The following CLCA2 variants were observed in gnomAD, a reference collection of about 807,000 sequenced individuals.
CLCA2 encodes chloride channel accessory 2.
Under a neutral mutation model 82.9 loss-of-function variants are expected in CLCA2, and 85 were observed. The observed-to-expected ratio is 1.03, with a 90% CI of 0.86 to 1.23. The LOEUF (loss-of-function observed/expected upper bound fraction) is 1.23, where lower values mean the gene tolerates loss of function less well. CLCA2 is among the 50% of genes most tolerant of loss of function. The pLI, the probability that CLCA2 is intolerant of heterozygous loss-of-function variation, is 0.00. For missense variants in CLCA2, 1,089 were observed against 1,124.8 expected, an observed-to-expected ratio of 0.97 and a Z score of 0.45; for synonymous variants, 421 against 391.7, an observed-to-expected ratio of 1.07 and a Z score of -0.88.
intron 6 of CLCA2, among the ~76,000 whole-genome samples, chr1:86,438,330 C>T (rs990629366): frequency 1.3e-5 from 2 of 152,178 alleles, no homozygotes; most frequent in Admixed American, 1.3e-4. Context: ...ACTGTACTGC[C>T]ATATATGTAT....
chr1:86,453,285 A>G, intron 12 of CLCA2, 84 bp from the exon 13 acceptor site: 1 of 1,003,266 alleles, frequency 1.0e-6, no homozygotes, highest in Non-Finnish European at 1.5e-6. Context: ...AAAAAGGTTT[A>G]AGAAAGTCTC....
chr1:86,424,368 A>G lies in CLCA2; in HGVS notation c.121A>G (p.Asn41Asp). 6.2e-7 allele frequency: 1 copy of G among 1,613,790 alleles called. No homozygotes were observed. Among genetic ancestry groups the G allele is most frequent in the Non-Finnish European group, 8.5e-7 (1 of 1,179,862 alleles). ...AGVQLQDNGY[N>D]GLLIAINPQV... is the part of the protein sequence containing the mutation. ...AGTACAGCTTCAAGACAATGGGTAT[A>G]ATGGATTGCTCATTGCAATTAATCC... is the stretch of plus-strand genomic sequence containing the variant. Residue 41 changes from asparagine to aspartate, a missense_variant, in exon 1 of 14, where the codon AAT becomes GAT. Asn to Asp is a conservative substitution (Grantham distance 23). Coordinates refer to ENST00000370565, the MANE Select transcript of CLCA2 (RefSeq NM_006536.7).
At chr1:86,431,007 T>C in intron 4 of CLCA2, 37 bp downstream of exon 4, 1 of 1,430,796 alleles carries the variant, frequency 7.0e-7, no homozygotes. Context: ...TCATTATTTA[T>C]TTGACTCTAA....
At chr1:86,425,835 C>T (rs1320587441) in intron 2 of CLCA2, among the ~76,000 whole-genome samples, 1 of 152,162 alleles carries the variant, frequency 6.6e-6, no homozygotes, top group Non-Finnish European at 1.5e-5. Context: ...ATTTACCATC[C>T]TGTCAGGAGC....
At position 86,438,927 on chromosome 1, in the gene CLCA2, A is replaced by G. The variant is rs563125883; in HGVS notation, c.1024A>G (p.Ile342Val). The G allele has an allele frequency of 3.1e-6, 5 of 1,614,106 alleles. No homozygotes were observed. In the South Asian group the frequency reaches 5.5e-5, roughly 18 times the overall value. ...AGCCGCAGAATTTTATTTGATGCAGATTGTTGAAATTCATACCTTCGTGGG... is the reference window on the plus strand; with the variant it reads ...AGCCGCAGAATTTTATTTGATGCAGGTTGTTGAAATTCATACCTTCGTGGG... ...QQAAEFYLMQ[I>V]VEIHTFVGIA... The change falls in exon 7 of 14, where the codon ATT becomes GTT. Residue 342 changes from isoleucine (I) to valine (V), a missense_variant. Coordinates refer to ENST00000370565, the MANE Select transcript of CLCA2 (RefSeq NM_006536.7).
Position 86,447,914 on chromosome 1 carries a change from T to TTA in CLCA2, c.1984+139_1984+140dup, listed in dbSNP as rs1412786656. 5.6e-6 allele frequency: 5 copies of TTA among 896,798 alleles called. No individual in the cohort carries two copies. The African/African-American group carries it at 8.4e-5, about 15-fold the overall frequency. 55.6% of individuals were successfully genotyped at this position (896,798 alleles called of 1,614,324 possible). A position where few individuals can be genotyped will look rare whatever the true frequency, so the allele number is the denominator to read the frequency against. ...TTAATCTTACAATATTCTCAAATTC[T>TTA]TATAGAGTCACTGATATACTGAATA... On this transcript the variant is annotated intron_variant, in intron 11 of 13. Transcript: ENST00000370565.
chr1:86,451,904 T>A (rs1662974951), intron 12 of CLCA2, among the ~76,000 whole-genome samples: 1 of 152,184 alleles, frequency 6.6e-6, no homozygotes, highest in African/African-American at 2.4e-5. Flanking sequence ...AAAGTGCTAC[T>A]TATCATTATA....
At chr1:86,440,012 G>A (rs55825812) in intron 7 of CLCA2, 136 bp from the exon 8 acceptor site, 41,980 of 759,868 alleles carry the variant, frequency 0.055, 1,434 homozygotes, top group East Asian at 0.11. Context: ...GCTGTGATGG[G>A]GTGAGGTAAA....
intron 1 of CLCA2, 50 bp downstream of exon 1, chr1:86,424,483 G>A: frequency 6.7e-7 from 1 of 1,494,518 alleles, no homozygotes; most frequent in Non-Finnish European, 9.0e-7. Context: ...GATCAGACCT[G>A]TAGCCTTATT....
At chr1:86,446,395 G>A (rs1335048912) in intron 10 of CLCA2, among the ~76,000 whole-genome samples, 7 of 151,894 alleles carry the variant, frequency 4.6e-5, no homozygotes, top group African/African-American at 1.7e-4. Flanking sequence ...TCACACCTGT[G>A]TATAAGGGCC....
intron 12 of CLCA2, among the ~76,000 whole-genome samples, chr1:86,452,080 G>A (rs1221321766): frequency 7.0e-6 from 1 of 142,054 alleles, no homozygotes; most frequent in Non-Finnish European, 1.5e-5. Context: ...TGAATTAGAT[G>A]TTTTACAGGA....
intron 9 of CLCA2, 146 bp downstream of exon 9, chr1:86,441,689 T>C (rs1236874761): frequency 3.6e-6 from 2 of 549,262 alleles, no homozygotes; most frequent in African/African-American, 3.8e-5. Flanking sequence ...AAAGGCTGCT[T>C]GGCATCACCA....
chr1:86,448,912 C>A (rs1662909373), intron 11 of CLCA2, among the ~76,000 whole-genome samples: 1 of 152,238 alleles, frequency 6.6e-6, no homozygotes, highest in Admixed American at 6.5e-5. Context: ...TCTTGCCCCA[C>A]CCTGTGGGCC....
chr1:86,443,062 C>G (rs910471180), intron 9 of CLCA2, among the ~76,000 whole-genome samples: 1 of 149,930 alleles, frequency 6.7e-6, no homozygotes, highest in African/African-American at 2.5e-5. Flanking sequence ...GAGTCTTGCT[C>G]TTCTCCCAGG....
At position 86,443,821 on chromosome 1, in the gene CLCA2, A is replaced by G. The variant is rs181745199; in HGVS notation, c.1523A>G (p.His508Arg). Residue 508 changes from histidine (H) to arginine (R), a missense_variant, in exon 10 of 14, where the codon CAT (histidine) becomes CGT (arginine). By Grantham distance (29) the His-to-Arg change is conservative. Transcript: ENST00000370565. Reference sequence around the variant, plus strand: ...ACAGGTGAAAATGTCAAACCTCACCATCAATTGAAAAACACAGTGACTGTG... The same window carrying G: ...ACAGGTGAAAATGTCAAACCTCACCGTCAATTGAAAAACACAGTGACTGTG... ...ESTGENVKPH[H>R]QLKNTVTVDN... is the part of the protein sequence containing the mutation. 746 of 1,613,994 alleles carry G rather than the reference A, an allele frequency of 4.6e-4. No individual in the cohort carries two copies. Among genetic ancestry groups the G allele is most frequent in the Admixed American group, 7.3e-4 (44 of 59,994 alleles).
chr1:86,433,342 C>T (rs1336367878), intron 5 of CLCA2, among the ~76,000 whole-genome samples: 1 of 152,196 alleles, frequency 6.6e-6, no homozygotes, highest in South Asian at 2.1e-4. Context: ...CCACACATGC[C>T]TCTGTGGAGT....
Position 86,455,473 on chromosome 1 carries a change from T to G in CLCA2, c.2778T>G (p.Thr926=), listed in dbSNP as rs1297852231. 1.3e-6 allele frequency: 2 copies of G among 1,523,112 alleles called. No homozygotes were observed. Among genetic ancestry groups the G allele is most frequent in the Non-Finnish European group, 1.8e-6 (2 of 1,138,760 alleles). 94.3% of individuals were successfully genotyped at this position (1,523,112 alleles called of 1,614,324 possible). A position where few individuals can be genotyped will look rare whatever the true frequency, so the allele number is the denominator to read the frequency against. The change falls in exon 14 of 14, where the codon ACT becomes ACG. Residue 926 remains threonine (T), a synonymous_variant. Transcript: ENST00000370565. ...TTATTATAGTTGTGACACATCATAC[T>G]TTAAGCAGGAAAAAGAGAGCAGACA... ...ICLIIVVTHH[T]LSRKKRADKK...
chr1:86,453,668 C>A (rs150840252), intron 13 of CLCA2, 66 bp downstream of exon 13: 20 of 1,328,048 alleles, frequency 1.5e-5, no homozygotes, highest in Middle Eastern at 1.9e-4. Flanking sequence ...AGGTCAGGGG[C>A]TAGTAGAACT....
intron 3 of CLCA2, 81 bp downstream of exon 3, chr1:86,428,649 C>T (rs916700009): frequency 1.3e-6 from 2 of 1,491,844 alleles, no homozygotes; most frequent in African/African-American, 1.4e-5. Context: ...GGGACTCACT[C>T]ACAAAACCTG....
Sources: gnomAD v4.1 joint callset for allele counts (sites outside exome capture counted in the v4.1 genomes callset) on GRCh38, gnomAD v4.1.1 for gene constraint, MANE v1.5 for transcripts, NCBI Gene and HGNC (gene_info 2026-07-23, HGNC 2026-07-21) for gene names.